The following PHLDB1 variants were observed in gnomAD, a reference collection of about 807,000 sequenced individuals.
PHLDB1 encodes pleckstrin homology like domain family B member 1.
Under a neutral mutation model 139.3 loss-of-function variants are expected in PHLDB1, and 65 were observed. The ratio of observed to expected loss-of-function variants is 0.47; its 90% CI spans 0.38 to 0.57. The LOEUF is 0.57. Among genes scored for constraint, PHLDB1 ranks in the 20% least tolerant of loss-of-function variants. The pLI is 0.00. For missense variants in PHLDB1, 1,624 were observed against 1,839.7 expected, an observed-to-expected ratio of 0.88 and a Z score of 2.14; for synonymous variants, 679 against 734.5, an observed-to-expected ratio of 0.92 and a Z score of 1.22.
chr11:118,610,084 T>C lies in PHLDB1; in HGVS notation c.-22+2385T>C, dbSNP rs935615503. Among the ~76,000 whole-genome samples, 4 of 150,990 alleles carry C rather than the reference T, an allele frequency of 2.6e-5. No homozygotes were observed. The highest frequency in any genetic ancestry group is 1.3e-4 in the Admixed American group (2 of 15,208). On this transcript the variant is annotated intron_variant, in intron 1 of 22. Transcript: ENST00000600882. This position sits in a 1 kb window ranked among gnomAD's most constrained non-coding sequence, Gnocchi z 8.7. The stretch of plus-strand genomic sequence containing the variant: ...TGTTCCCGTCTGTCGTCGCCTCCAC[T>C]TGAGGACCCGCCTGTCCTTTCTTCC...
rs1555134689 is a variant in PHLDB1 at position 118,650,147 on chromosome 11, C to T, written c.3725C>T (p.Ser1242Leu). The change falls in exon 19 of 23, where the codon TCG becomes TTG. Residue 1242 changes from serine to leucine, a missense_variant. Ser to Leu is a moderately radical substitution (Grantham distance 145). Transcript: ENST00000600882. This position sits in a 1 kb window ranked among gnomAD's most constrained non-coding sequence, Gnocchi z 4.7. ...GACCTGAAGACACATATTGAGTCAT[C>T]GGGCCATGGTGTTGATACCTGCCTG... The part of the protein sequence containing the change: ...DFDLKTHIES[S>L]GHGVDTCLHV... The T allele has an allele frequency of 2.4e-5, 38 of 1,614,014 alleles. No homozygotes were observed. The highest frequency in any genetic ancestry group is 3.2e-5 in the Non-Finnish European group (38 of 1,179,972).
chr11:118,638,344 T>C (rs1555117113), intron 10 of PHLDB1, among the ~76,000 whole-genome samples: 1 of 152,238 alleles, frequency 6.6e-6, no homozygotes, highest in Non-Finnish European at 1.5e-5. Flanking sequence ...CTGACCTTAC[T>C]TGTGGATTTT....
intron 4 of PHLDB1, chr11:118,624,660 G>C (rs1421001059): frequency 3.4e-6 from 1 of 296,772 alleles, no homozygotes; most frequent in African/African-American, 2.5e-5. Context: ...GGAGTGCAGT[G>C]GCATGATCTC....
chr11:118,627,575 C>A lies in PHLDB1; in HGVS notation c.752C>A (p.Thr251Asn), dbSNP rs151129104. The A allele has an allele frequency of 1.9e-6, 3 of 1,614,016 alleles. No homozygotes were observed. Among genetic ancestry groups the A allele is most frequent in the African/African-American group, 2.7e-5 (2 of 75,048 alleles). The change falls in exon 6 of 23, where the codon ACC (threonine) becomes AAC (asparagine). Residue 251 changes from threonine to asparagine, a missense_variant. By Grantham distance (65) the Thr-to-Asn change is moderately conservative (BLOSUM62 0). Transcript: ENST00000600882. ...AMSVGSSYENTSPAFSPLSSP... is the reference protein window; with the variant it reads ...AMSVGSSYENNSPAFSPLSSP... ...TCTGTGGGCTCCAGCTATGAGAACACCTCTCCAGCCTTCTCTCCACTCTCT... is the reference window on the plus strand; with the variant it reads ...TCTGTGGGCTCCAGCTATGAGAACAACTCTCCAGCCTTCTCTCCACTCTCT...
intron 12 of PHLDB1, chr11:118,641,779 C>T (rs1420040315): frequency 7.8e-7 from 1 of 1,288,628 alleles, no homozygotes; most frequent in Admixed American, 2.3e-5. Flanking sequence ...CACGCCTTCA[C>T]CTAAGGTTGG....
In PHLDB1 at chr11:118,608,986, G is replaced by C. The variant is rs1480528454; in HGVS notation, c.-22+1287G>C. Reference sequence around the variant, plus strand: ...ACACATGAGGCCCCAGCTCACACACGAAGCCCAGCTCACACACGCAGCCCC... The same window carrying C: ...ACACATGAGGCCCCAGCTCACACACCAAGCCCAGCTCACACACGCAGCCCC... On this transcript the variant is annotated intron_variant, in intron 1 of 22. Transcript: ENST00000600882. This position sits in a 1 kb window ranked among gnomAD's most constrained non-coding sequence, Gnocchi z 6.7. 7.6e-6 allele frequency among the ~76,000 whole-genome samples: 1 copy of C among 132,194 alleles called. No homozygotes were observed. The highest frequency in any genetic ancestry group is 1.6e-5 in the Non-Finnish European group (1 of 62,086). The allele number at this position is 132,194 out of a possible 152,430, so 86.7% of individuals were successfully genotyped here.
chr11:118,628,579 G>A lies in PHLDB1; in HGVS notation c.1756G>A (p.Glu586Lys). ...KNSITEISDNEDDLLEYHRRQ... is the reference protein window; with the variant it reads ...KNSITEISDNKDDLLEYHRRQ... The stretch of plus-strand genomic sequence containing the variant: ...TAGCATCACAGAGATCAGTGACAAT[G>A]AGGACGACCTCCTGGAGTACCACCG... The change falls in exon 6 of 23, where the codon GAG (glutamate) becomes AAG (lysine). Residue 586 changes from glutamate to lysine, a missense_variant. Transcript: ENST00000600882. The A allele has an allele frequency of 6.2e-7, 1 of 1,613,070 alleles. No homozygotes were observed.
intron 18 of PHLDB1, among the ~76,000 whole-genome samples, chr11:118,648,302 TG>T (rs1947856701): frequency 6.6e-6 from 1 of 150,764 alleles, no homozygotes; most frequent in Non-Finnish European, 1.5e-5. Context: ...TGTGTGTGTG[TG>T]TGTGTGTGTG....
intron 9 of PHLDB1, chr11:118,634,876 GT>G (rs1555113926): frequency 5.1e-6 from 2 of 388,388 alleles, no homozygotes. Context: ...TGTGTGTTCT[GT>G]TTCTCCCCTG....
intron 3 of PHLDB1, 139 bp from the exon 4 acceptor site, chr11:118,615,902 A>G: frequency 1.5e-6 from 1 of 678,090 alleles, no homozygotes; most frequent in Non-Finnish European, 2.6e-6. Flanking sequence ...TCAGGGGCCT[A>G]GTAGGGGTGG....
intron 12 of PHLDB1, 127 bp from the exon 13 acceptor site, chr11:118,642,127 C>T: frequency 1.1e-6 from 1 of 877,312 alleles, no homozygotes; most frequent in Non-Finnish European, 1.9e-6. Context: ...TTTTAACCTT[C>T]CCCTTCCTTC....
chr11:118,624,797 A>G, intron 4 of PHLDB1, 137 bp from the exon 5 acceptor site: 1 of 769,130 alleles, frequency 1.3e-6, no homozygotes, highest in Non-Finnish European at 2.2e-6. Context: ...TTTAGTAGAG[A>G]CGGGACTTCA....
At chr11:118,643,390 C>T (rs181922228) in intron 13 of PHLDB1, 10 of 315,856 alleles carry the variant, frequency 3.2e-5, no homozygotes, top group Admixed American at 2.6e-4. Flanking sequence ...AGTCCTACCC[C>T]CTTCTTTTGC....
intron 12 of PHLDB1, chr11:118,640,389 G>A (rs561238992): frequency 1.3e-5 from 2 of 152,148 alleles, no homozygotes; most frequent in Non-Finnish European, 2.9e-5. Flanking sequence ...ATGCATTGTG[G>A]AGGTCTACCA....
In PHLDB1 at chr11:118,627,581, C is replaced by CAGCCTTCTCTCCACTCTCTTCACCA. The variant is rs1555103392; in HGVS notation, c.759_783dup (p.Ala262SerfsTer67). ...GGCTCCAGCTATGAGAACACCTCTCCAGCCTTCTCTCCACTCTCTTCACCA... is the reference window on the plus strand; with the variant it reads ...GGCTCCAGCTATGAGAACACCTCTCCAGCCTTCTCTCCACTCTCTTCACCAAGCCTTCTCTCCACTCTCTTCACCA... On this transcript the variant is annotated frameshift_variant, in exon 6 of 23. Coordinates refer to ENST00000600882, the MANE Select transcript of PHLDB1 (RefSeq NM_001144758.3). LOFTEE classifies it high-confidence loss of function. 6 of 1,613,912 alleles carry CAGCCTTCTCTCCACTCTCTTCACCA rather than the reference C, an allele frequency of 3.7e-6. No individual in the cohort carries two copies. The African/African-American group carries it at 8.0e-5, about 22-fold the overall frequency.
chr11:118,623,625 T>G (rs1298180618), intron 4 of PHLDB1, among the ~76,000 whole-genome samples: 2 of 152,166 alleles, frequency 1.3e-5, no homozygotes, highest in Non-Finnish European at 2.9e-5. Context: ...GGTCGCTCCC[T>G]AGACTTGCAG....
chr11:118,619,687 C>T (rs1555092796), intron 4 of PHLDB1, among the ~76,000 whole-genome samples: 1 of 152,110 alleles, frequency 6.6e-6, no homozygotes, highest in Non-Finnish European at 1.5e-5. Flanking sequence ...AGCCTCCCTT[C>T]ATTTTGCATT....
chr11:118,637,998 G>A (rs1945925865), intron 10 of PHLDB1: 2 of 152,288 alleles, frequency 1.3e-5, no homozygotes, highest in South Asian at 4.1e-4. Flanking sequence ...TGATACAGAA[G>A]AATGTGAGCA....
At chr11:118,618,586 G>A (rs1456094657) in intron 4 of PHLDB1, among the ~76,000 whole-genome samples, 3 of 152,060 alleles carry the variant, frequency 2.0e-5, no homozygotes, top group Non-Finnish European at 4.4e-5. Context: ...TCAAGTGGGC[G>A]GCAGGGGTGA....
Sources: gnomAD v4.1 joint callset for allele counts (sites outside exome capture counted in the v4.1 genomes callset) on GRCh38, gnomAD v4.1.1 for gene constraint, Gnocchi (gnomAD v3.1) non-coding constraint, MANE v1.5 for transcripts, NCBI Gene and HGNC (gene_info 2026-07-23, HGNC 2026-07-21) for gene names.